PRKG1: variants seen among roughly 807,000 people sequenced by gnomAD.
PRKG1 encodes cGMP-dependent protein kinase 1.
A neutral mutation model predicts 88.1 loss-of-function variants in PRKG1; 35 were observed. The ratio of observed to expected loss-of-function variants is 0.40; its 90% CI spans 0.30 to 0.53. PRKG1 has a LOEUF of 0.53. Ranked by LOEUF, PRKG1 falls within the 20% of genes least tolerant of loss-of-function variation. The pLI is 0.59. For synonymous variants in PRKG1, 303 were observed against 292.5 expected (o/e 1.04, Z -0.37); for missense variants, 540 against 839.8 (o/e 0.64, Z 4.41).
intron 5 of PRKG1, among the ~76,000 whole-genome samples, chr10:52,024,774 G>C: frequency 6.6e-6 from 1 of 152,164 alleles, no homozygotes; most frequent in East Asian, 1.9e-4. Flanking sequence ...ATTGTGAATA[G>C]TGCTGCAATA....
At chr10:51,699,234 G>A (rs774284008) in intron 3 of PRKG1, 2 of 1,614,038 alleles carry the variant, frequency 1.2e-6, no homozygotes, top group East Asian at 2.2e-5. Flanking sequence ...GGCGCTGCAG[G>A]CCCAAGGCTC....
chr10:52,121,161 G>T (rs972692272), intron 7 of PRKG1, among the ~76,000 whole-genome samples: 2 of 152,090 alleles, frequency 1.3e-5, no homozygotes, highest in African/African-American at 2.4e-5. Flanking sequence ...GTCCTGCCCT[G>T]GAGGTGGTGT....
chr10:52,044,206 G>C (rs921739760), intron 5 of PRKG1, among the ~76,000 whole-genome samples: 10 of 152,164 alleles, frequency 6.6e-5, no homozygotes, highest in African/African-American at 2.4e-4. Flanking sequence ...AGTGCTAAAA[G>C]TTAGTGTGGA....
At chr10:52,203,131 A>G (rs1839721196) in intron 9 of PRKG1, among the ~76,000 whole-genome samples, 1 of 151,688 alleles carries the variant, frequency 6.6e-6, no homozygotes, top group Non-Finnish European at 1.5e-5. Context: ...TGACCTTCTA[A>G]CTTTTTAATG....
At chr10:51,864,138 C>G (rs1009331171) in intron 4 of PRKG1, among the ~76,000 whole-genome samples, 3 of 152,178 alleles carry the variant, frequency 2.0e-5, no homozygotes, top group African/African-American at 7.2e-5. Flanking sequence ...CTTCTGCAAA[C>G]AAGGATAAGA....
At chr10:51,391,783 A>G (rs1481242149) in intron 2 of PRKG1, among the ~76,000 whole-genome samples, 1 of 152,226 alleles carries the variant, frequency 6.6e-6, no homozygotes, top group Non-Finnish European at 1.5e-5. Flanking sequence ...TGACATGAGC[A>G]TTGACTGCTT....
At chr10:51,289,152 G>A (rs1840518010) in intron 2 of PRKG1, among the ~76,000 whole-genome samples, 1 of 152,088 alleles carries the variant, frequency 6.6e-6, no homozygotes, top group South Asian at 2.1e-4. Flanking sequence ...ACCCATGAAT[G>A]TGTCCTAACA....
At chr10:51,346,346 G>C (rs1413558863) in intron 2 of PRKG1, among the ~76,000 whole-genome samples, 1 of 152,202 alleles carries the variant, frequency 6.6e-6, no homozygotes, top group Non-Finnish European at 1.5e-5. Context: ...ATAAACGTAA[G>C]CATGTCTTTT....
chr10:51,240,383 C>T (rs991273865), intron 2 of PRKG1, among the ~76,000 whole-genome samples: 6 of 152,108 alleles, frequency 3.9e-5, no homozygotes, highest in Admixed American at 6.6e-5. Flanking sequence ...ACCAATTTTG[C>T]CTGAGAAAAG....
At chr10:51,406,255 T>C (rs10822934) in intron 2 of PRKG1, among the ~76,000 whole-genome samples, 1 of 152,188 alleles carries the variant, frequency 6.6e-6, no homozygotes, top group African/African-American at 2.4e-5. Context: ...CAAGAGCTTA[T>C]ACATCATTCC....
intron 1 of PRKG1, among the ~76,000 whole-genome samples, chr10:51,048,137 A>G (rs1843514730): frequency 6.6e-6 from 1 of 152,054 alleles, no homozygotes; most frequent in Non-Finnish European, 1.5e-5. Context: ...TCAAAACCTC[A>G]TTCTTTCCCA....
chr10:51,160,355 G>A (rs1846327849), intron 2 of PRKG1, among the ~76,000 whole-genome samples: 1 of 152,024 alleles, frequency 6.6e-6, no homozygotes, highest in Admixed American at 6.6e-5. Context: ...ATAATTTTCT[G>A]TTATTTTGCT....
chr10:51,554,661 T>G (rs923672069), intron 3 of PRKG1, among the ~76,000 whole-genome samples: 1 of 148,064 alleles, frequency 6.8e-6, no homozygotes, highest in Non-Finnish European at 1.5e-5. Flanking sequence ...TTCCTTGTGT[T>G]TCTCCCTCTA....
intron 3 of PRKG1, among the ~76,000 whole-genome samples, chr10:51,606,887 A>G (rs1237803081): frequency 6.6e-6 from 1 of 152,134 alleles, no homozygotes. Flanking sequence ...GCAAATTGGT[A>G]GGAAGTGGTA....
chr10:51,943,834 G>T (rs1235937190), intron 5 of PRKG1, among the ~76,000 whole-genome samples: 13 of 151,916 alleles, frequency 8.6e-5, no homozygotes, highest in African/African-American at 2.9e-4. Flanking sequence ...AGCTTCTTGA[G>T]GTGCTGCTGG....
chr10:51,734,463 G>A (rs1021764369), intron 3 of PRKG1, among the ~76,000 whole-genome samples: 4 of 151,810 alleles, frequency 2.6e-5, no homozygotes, highest in African/African-American at 9.7e-5. Flanking sequence ...TGGCCCAAGA[G>A]CACACAATAA....
intron 3 of PRKG1, among the ~76,000 whole-genome samples, chr10:51,559,923 T>G (rs902687353): frequency 6.6e-6 from 1 of 152,126 alleles, no homozygotes; most frequent in African/African-American, 2.4e-5. Flanking sequence ...ACCAAAAGTA[T>G]CCTCTCCCTG....
chr10:51,074,441 G>A, upstream of PRKG1: 6 of 1,454,514 alleles, frequency 4.1e-6, no homozygotes, highest in Non-Finnish European at 5.4e-6. Flanking sequence ...GACTGGGCAT[G>A]CTCAGAAGCC....
At chr10:51,697,579 G>A in intron 3 of PRKG1, 1 of 963,186 alleles carries the variant, frequency 1.0e-6, no homozygotes, top group South Asian at 1.7e-5. Flanking sequence ...AATAAGATTA[G>A]GTTCTAGGAG....
Sources: allele counts gnomAD v4.1 joint callset (sites outside exome capture counted in the v4.1 genomes callset), GRCh38; gene constraint gnomAD v4.1.1; transcripts MANE v1.5; gene names NCBI Gene and HGNC (gene_info 2026-07-23, HGNC 2026-07-21).